Variants in IL18R1 observed in about 807,000 individuals in gnomAD.
IL18R1 encodes interleukin-18 receptor 1.
In IL18R1, 40 loss-of-function variants were observed where a neutral mutation model predicts 48.5. That is an observed-to-expected ratio of 0.82 (90% CI 0.64 to 1.07). The LOEUF (loss-of-function observed/expected upper bound fraction) is 1.07. Ranked by LOEUF, IL18R1 falls within the 50% of genes least tolerant of loss-of-function variation. IL18R1 has a pLI of 0.00. For missense variants in IL18R1, 596 were observed against 633.7 expected (o/e 0.94, Z 0.64); for synonymous variants, 232 against 225.9 (o/e 1.03, Z -0.24).
In IL18R1 at chr2:102,375,894, T is replaced by G; in HGVS notation, c.469-13T>G. 6.5e-7 allele frequency: 1 copy of G among 1,527,048 alleles called. No individual in the cohort carries two copies. The allele number at this position is 1,527,048 out of a possible 1,614,324, so 94.6% of individuals were successfully genotyped here. ...TTTACTTAAAGTATTTTAACTTGTT[T>G]TATTAAAAACAGAACTGTAAAAAGC... On this transcript the variant is annotated splice_polypyrimidine_tract_variant and intron_variant, in intron 4 of 10. Transcript: ENST00000233957.
chr2:102,360,912 CCTT>C (rs1365884479), intron 1 of IL18R1, among the ~76,000 whole-genome samples: 1 of 151,980 alleles, frequency 6.6e-6, no homozygotes, highest in Non-Finnish European at 1.5e-5. Flanking sequence ...TTTAATATAA[CCTT>C]AATCTGTTAA....
chr2:102,357,380 A>G (rs1678311823), intron 1 of IL18R1, among the ~76,000 whole-genome samples: 1 of 151,692 alleles, frequency 6.6e-6, no homozygotes, highest in South Asian at 2.1e-4. Context: ...AATCCCAGCT[A>G]CTCGGGAGGC....
chr2:102,396,885 A>AT lies in IL18R1; in HGVS notation c.1625_1626insT (p.Ter542TyrfsTer21). On this transcript the variant is annotated frameshift_variant and stop_lost, in exon 11 of 11. Transcript: ENST00000233957. LOFTEE classifies it high-confidence loss of function. Reference sequence around the variant, plus strand: ...GTCTTGCCTGTTCTTTCCGAGTCTTAATCTTCAGAAACAGTGAACGCCAAA... The same window carrying AT: ...GTCTTGCCTGTTCTTTCCGAGTCTTATATCTTCAGAAACAGTGAACGCCAAA... 6.4e-7 allele frequency: 1 copy of AT among 1,566,254 alleles called. No homozygotes were observed. Among genetic ancestry groups the AT allele is most frequent in the Non-Finnish European group, 8.6e-7 (1 of 1,158,320 alleles).
At chr2:102,380,364 G>A (rs1287646788) in intron 5 of IL18R1, among the ~76,000 whole-genome samples, 1 of 152,130 alleles carries the variant, frequency 6.6e-6, no homozygotes, top group Non-Finnish European at 1.5e-5. Context: ...GTTTCTGGGG[G>A]AAAAAATGGA....
At chr2:102,360,779 C>T (rs895904532) in intron 1 of IL18R1, among the ~76,000 whole-genome samples, 28 of 151,910 alleles carry the variant, frequency 1.8e-4, no homozygotes, top group African/African-American at 6.5e-4. Context: ...AATTAAAAAC[C>T]CTTAAAATTC....
intron 7 of IL18R1, among the ~76,000 whole-genome samples, chr2:102,386,574 A>C (rs56030066): frequency 0.059 from 8,956 of 152,274 alleles, 405 homozygotes; most frequent in Non-Finnish European, 0.083. Context: ...TTGAGAGAGA[A>C]TATTTTCTTA....
chr2:102,360,073 A>G (rs1220201476), intron 1 of IL18R1, among the ~76,000 whole-genome samples: 1 of 152,166 alleles, frequency 6.6e-6, no homozygotes, highest in Non-Finnish European at 1.5e-5. Flanking sequence ...TCCTGCAAAA[A>G]AACTGAGCCA....
At chr2:102,384,359 C>A (rs578246581) in intron 6 of IL18R1, among the ~76,000 whole-genome samples, 1 of 152,306 alleles carries the variant, frequency 6.6e-6, no homozygotes, top group South Asian at 2.1e-4. Flanking sequence ...ACTGGATTTT[C>A]TTGTTTCTAT....
At chr2:102,379,481 A>T (rs1679795511) in intron 5 of IL18R1, among the ~76,000 whole-genome samples, 1 of 151,394 alleles carries the variant, frequency 6.6e-6, no homozygotes, top group South Asian at 2.1e-4. Context: ...AGAAATGAAT[A>T]CCCTAAGACT....
chr2:102,359,769 G>C (rs1274285297), intron 1 of IL18R1, among the ~76,000 whole-genome samples: 1 of 152,196 alleles, frequency 6.6e-6, no homozygotes, highest in Non-Finnish European at 1.5e-5. Context: ...CATCTGTCAG[G>C]TTTCAATGTA....
chr2:102,381,676 G>C lies in IL18R1; in HGVS notation c.682G>C (p.Glu228Gln). The C allele has an allele frequency of 6.2e-7, 1 of 1,606,630 alleles. No individual in the cohort carries two copies. The highest frequency in any genetic ancestry group is 1.3e-5 in the African/African-American group (1 of 74,878). ...ACCAAAGCTTAACCATGTTGCAGTGGAATTAGGTATATTTCAATATACATA... is the reference window on the plus strand; with the variant it reads ...ACCAAAGCTTAACCATGTTGCAGTGCAATTAGGTATATTTCAATATACATA... ...LGPKLNHVAVELGKNVRLNCS... is the reference protein window; with the variant it reads ...LGPKLNHVAVQLGKNVRLNCS... Residue 228 changes from glutamate to glutamine, a missense_variant, in exon 6 of 11, where the codon GAA becomes CAA. By Grantham distance (29) the Glu-to-Gln change is conservative. Around this residue, in one of 3 missense-constraint regions of IL18R1, gnomAD observed 360 missense variants for 339.4 expected, o/e 1.06. Transcript: ENST00000233957.
At chr2:102,377,173 C>T (rs1679638339) in intron 5 of IL18R1, among the ~76,000 whole-genome samples, 1 of 152,230 alleles carries the variant, frequency 6.6e-6, no homozygotes, top group Non-Finnish European at 1.5e-5. Context: ...TTCTTCACTA[C>T]AACCATATAG....
chr2:102,361,724 T>G (rs1678585452), intron 1 of IL18R1, among the ~76,000 whole-genome samples: 1 of 152,218 alleles, frequency 6.6e-6, no homozygotes, highest in Non-Finnish European at 1.5e-5. Context: ...CATCAGGCTG[T>G]GCTCCCTGCA....
chr2:102,366,723 G>A (rs1043176168), intron 2 of IL18R1, among the ~76,000 whole-genome samples: 4 of 152,126 alleles, frequency 2.6e-5, no homozygotes, highest in Admixed American at 6.6e-5. Context: ...ACTTACAAAA[G>A]GGGGAAAAGC....
intron 4 of IL18R1, among the ~76,000 whole-genome samples, chr2:102,374,970 C>A (rs997625515): frequency 6.6e-6 from 1 of 152,116 alleles, no homozygotes; most frequent in Non-Finnish European, 1.5e-5. Context: ...AGTCTCTGAT[C>A]TTTTCTATAG....
intron 2 of IL18R1, among the ~76,000 whole-genome samples, chr2:102,365,431 T>A (rs13405222): frequency 1.3e-5 from 2 of 152,160 alleles, no homozygotes; most frequent in Non-Finnish European, 2.9e-5. Flanking sequence ...TAGGATCCCA[T>A]GGCCTTGGGC....
intron 5 of IL18R1, among the ~76,000 whole-genome samples, chr2:102,380,499 A>G (rs1034722779): frequency 1.3e-5 from 2 of 152,076 alleles, no homozygotes; most frequent in African/African-American, 4.8e-5. Flanking sequence ...CTTTCCCTGG[A>G]TACATCTCAG....
chr2:102,378,282 T>C (rs1339462687), intron 5 of IL18R1, among the ~76,000 whole-genome samples: 1 of 152,220 alleles, frequency 6.6e-6, no homozygotes, highest in East Asian at 1.9e-4. Context: ...GTGAGTTAAT[T>C]TCCTTAGTTC....
intron 3 of IL18R1, among the ~76,000 whole-genome samples, chr2:102,368,670 C>A (rs749822063): frequency 6.6e-6 from 1 of 152,132 alleles, no homozygotes; most frequent in Admixed American, 6.5e-5. Flanking sequence ...CCAGAATACT[C>A]GAAATTGGGT....
Sources: allele counts gnomAD v4.1 joint callset (sites outside exome capture counted in the v4.1 genomes callset), GRCh38; gene constraint gnomAD v4.1.1; regional missense constraint gnomAD v4.1.1; transcripts MANE v1.5; gene names NCBI Gene and HGNC (gene_info 2026-07-23, HGNC 2026-07-21).